The following GLUD1 variants were observed in gnomAD, a reference collection of about 807,000 sequenced individuals.
The protein encoded by GLUD1 is glutamate dehydrogenase 1, mitochondrial.
A neutral mutation model predicts 56.0 loss-of-function variants in GLUD1; 22 were observed. That is an observed-to-expected ratio of 0.39 (90% CI 0.28 to 0.56). The LOEUF is 0.56. GLUD1 is among the 20% of genes least tolerant of loss of function. The pLI is 0.58. For synonymous variants in GLUD1, 223 were observed against 269.9 expected, an observed-to-expected ratio of 0.83 and a Z score of 1.70; for missense variants, 451 against 732.0, an observed-to-expected ratio of 0.62 and a Z score of 4.43.
At chr10:87,059,035 C>A in intron 10 of GLUD1, 115 bp downstream of exon 10, 1 of 1,232,098 alleles carries the variant, frequency 8.1e-7, no homozygotes, top group African/African-American at 1.5e-5. Context: ...ATATTATTTT[C>A]TTTTCTGAGA....
At chr10:87,068,297 G>GTCA (rs1161224787) in intron 4 of GLUD1, 140 bp from the exon 5 acceptor site, 1 of 662,200 alleles carries the variant, frequency 1.5e-6, no homozygotes, top group African/African-American at 1.8e-5. Flanking sequence ...GCTAATCAAA[G>GTCA]TCATAGAAAT....
chr10:87,053,280 T>C (rs1194197736), intron 12 of GLUD1, 62 bp downstream of exon 12: 72 of 1,052,280 alleles, frequency 6.8e-5, no homozygotes, highest in Non-Finnish European at 6.4e-5. Flanking sequence ...GCGGCTGAGA[T>C]AGCATGGTTG....
intron 1 of GLUD1, among the ~76,000 whole-genome samples, chr10:87,092,935 A>T (rs1391237554): frequency 6.6e-6 from 1 of 152,166 alleles, no homozygotes; most frequent in East Asian, 1.9e-4. Flanking sequence ...CAAATGTAGG[A>T]GACTGACGGT....
chr10:87,081,220 A>C (rs1007663796), intron 1 of GLUD1, among the ~76,000 whole-genome samples: 2 of 142,026 alleles, frequency 1.4e-5, no homozygotes, highest in African/African-American at 2.7e-5. Flanking sequence ...CCGCCCGGCC[A>C]GCCGCCTCTT....
intron 1 of GLUD1, chr10:87,089,599 G>A: frequency 1.0e-6 from 1 of 985,016 alleles, no homozygotes. Flanking sequence ...AAGGCAGAAT[G>A]TGTGTGGCTG....
At position 87,060,980 on chromosome 10, in the gene GLUD1, C is replaced by T. The variant is rs955333922; in HGVS notation, c.994G>A (p.Glu332Lys). 1 of 1,614,046 alleles carries T rather than the reference C, an allele frequency of 6.2e-7. No individual in the cohort carries two copies. The highest frequency in any genetic ancestry group is 8.5e-7 in the Non-Finnish European group (1 of 1,179,896). ...RFGAKCIAVGESDGSIWNPDG... is the reference protein window; with the variant it reads ...RFGAKCIAVGKSDGSIWNPDG... ...GGATTCCATATACTCCCATCAGACTCACCAACAGCAATACATTTAGCACCA... is the reference window on the plus strand; with the variant it reads ...GGATTCCATATACTCCCATCAGACTTACCAACAGCAATACATTTAGCACCA... The change falls in exon 7 of 13, where the codon GAG becomes AAG. Residue 332 changes from glutamate to lysine, a missense_variant. By Grantham distance (56) the Glu-to-Lys change is moderately conservative. Around this residue, in one of 4 missense-constraint regions of GLUD1, gnomAD observed 248 missense variants for 460.0 expected, o/e 0.54. Coordinates refer to ENST00000277865, the MANE Select transcript of GLUD1 (RefSeq NM_005271.5).
chr10:87,060,516 G>A (rs921878804), intron 8 of GLUD1, 172 bp downstream of exon 8: 18 of 848,204 alleles, frequency 2.1e-5, no homozygotes, highest in Admixed American at 3.9e-5. Context: ...CTCTGTGCCG[G>A]TAGCTAAAAG....
At chr10:87,073,610 C>CTTTTTT (rs71019462) in intron 4 of GLUD1, among the ~76,000 whole-genome samples, 3 of 74,140 alleles carry the variant, frequency 4.0e-5, no homozygotes, top group Non-Finnish European at 7.6e-5. Context: ...AATTAACATT[C>CTTTTTT]TTTTTTTTTT....
chr10:87,091,247 G>T (rs948529492), intron 1 of GLUD1, among the ~76,000 whole-genome samples: 1 of 152,032 alleles, frequency 6.6e-6, no homozygotes, highest in South Asian at 2.1e-4. Context: ...GACAACTGGG[G>T]GGGGGCAGAC....
At position 87,094,229 on chromosome 10, in the gene GLUD1, G is replaced by C; in HGVS notation, c.445+96C>G. 6.8e-7 allele frequency: 1 copy of C among 1,481,460 alleles called. No individual in the cohort carries two copies. The allele number at this position is 1,481,460 out of a possible 1,614,324, so 91.8% of individuals were successfully genotyped here. ...GACCCGGCCCGCTCCAGCTGGGCTG[G>C]GCTGGGCTGAGCAGCGGCCCCGCAC... is the stretch of plus-strand genomic sequence containing the variant. On this transcript the variant is annotated intron_variant, in intron 1 of 12. Coordinates refer to ENST00000277865, the MANE Select transcript of GLUD1 (RefSeq NM_005271.5). This position sits in a 1 kb window ranked among gnomAD's most constrained non-coding sequence, Gnocchi z 6.6.
chr10:87,090,326 C>A (rs1485160797), intron 1 of GLUD1, among the ~76,000 whole-genome samples: 1 of 152,198 alleles, frequency 6.6e-6, no homozygotes. Context: ...TTGTACTGAA[C>A]TTTAATATAT....
intron 1 of GLUD1, among the ~76,000 whole-genome samples, chr10:87,077,405 G>A (rs1335832559): frequency 6.6e-6 from 1 of 152,014 alleles, no homozygotes; most frequent in Non-Finnish European, 1.5e-5. Context: ...GGCTTCAAAT[G>A]GGTATATTAA....
intron 8 of GLUD1, 158 bp from the exon 9 acceptor site, chr10:87,060,399 A>G: frequency 1.4e-6 from 1 of 708,818 alleles, no homozygotes; most frequent in East Asian, 2.6e-5. Context: ...AAGTGTATAA[A>G]ACTACCTTTC....
At chr10:87,088,959 T>C (rs1330130843) in intron 1 of GLUD1, among the ~76,000 whole-genome samples, 1 of 152,238 alleles carries the variant, frequency 6.6e-6, no homozygotes, top group Non-Finnish European at 1.5e-5. Context: ...GGAAAACTGT[T>C]TAAAATGTTA....
intron 1 of GLUD1, among the ~76,000 whole-genome samples, chr10:87,084,897 G>A (rs984062037): frequency 5.9e-5 from 9 of 152,064 alleles, no homozygotes; most frequent in Admixed American, 3.3e-4. Flanking sequence ...ATAATGTAGC[G>A]TAACTTAATT....
intron 10 of GLUD1, among the ~76,000 whole-genome samples, chr10:87,058,345 G>T (rs1273297807): frequency 6.6e-6 from 1 of 152,092 alleles, no homozygotes; most frequent in African/African-American, 2.4e-5. Flanking sequence ...GGGGGAAAAA[G>T]AAAAGGAAAT....
chr10:87,088,990 G>T (rs756891530), intron 1 of GLUD1, among the ~76,000 whole-genome samples: 5 of 152,276 alleles, frequency 3.3e-5, no homozygotes, highest in Admixed American at 2.0e-4. Flanking sequence ...TCGGAGTTGG[G>T]TGTAGGGGAA....
At position 87,094,288 on chromosome 10, in the gene GLUD1, G is replaced by A; in HGVS notation, c.445+37C>T. On this transcript the variant is annotated intron_variant, in intron 1 of 12. Transcript: ENST00000277865. This position sits in a 1 kb window ranked among gnomAD's most constrained non-coding sequence, Gnocchi z 6.6. ...GGCCGGAGGGGAGGGCCGCAGGGGA[G>A]GCAGGGAGGGCGGGACGGGGCCCGG... 1.3e-6 allele frequency: 2 copies of A among 1,566,524 alleles called. No individual in the cohort carries two copies. Among genetic ancestry groups the A allele is most frequent in the Non-Finnish European group, 1.7e-6 (2 of 1,156,654 alleles).
rs1405772782 is a variant in GLUD1, at chr10:87,094,445, T to A, written c.325A>T (p.Ile109Phe). 1.9e-6 allele frequency: 3 copies of A among 1,613,752 alleles called. No homozygotes were observed. The highest frequency in any genetic ancestry group is 2.5e-6 in the Non-Finnish European group (3 of 1,179,946). Residue 109 changes from isoleucine (I) to phenylalanine (F), a missense_variant, in exon 1 of 13, where the codon ATC becomes TTC. Ile to Phe is a conservative substitution (Grantham distance 21). This residue lies in a region of GLUD1 where 158 missense variants were observed against 189.7 expected (regional missense o/e 0.83). Coordinates refer to ENST00000277865, the MANE Select transcript of GLUD1 (RefSeq NM_005271.5). This position sits in a 1 kb window ranked among gnomAD's most constrained non-coding sequence, Gnocchi z 6.6. ...RNRVRGILRI[I>F]KPCNHVLSLS... is the part of the protein sequence containing the mutation. ...CTCAGCACATGGTTGCAGGGCTTGA[T>A]GATCCGCAGGATGCCGCGCACCCGG... is the stretch of plus-strand genomic sequence containing the variant.
Sources: gnomAD v4.1 joint callset for allele counts (sites outside exome capture counted in the v4.1 genomes callset) on GRCh38, gnomAD v4.1.1 for gene constraint, gnomAD v4.1.1 regional missense constraint, Gnocchi (gnomAD v3.1) non-coding constraint, MANE v1.5 for transcripts, NCBI Gene and HGNC (gene_info 2026-07-23, HGNC 2026-07-21) for gene names.